The following CNTN5 variants were observed in gnomAD, a reference collection of about 807,000 sequenced individuals.
The protein encoded by CNTN5 is contactin 5.
A neutral mutation model predicts 129.1 loss-of-function variants in CNTN5; 77 were observed. The observed-to-expected ratio is 0.60, with a 90% confidence interval of 0.50 to 0.72. CNTN5 has a LOEUF of 0.72. Among genes scored for constraint, CNTN5 ranks in the 30% least tolerant of loss-of-function variants. The pLI is 0.00. For synonymous variants in CNTN5, 509 were observed against 465.6 expected (o/e 1.09, Z -1.20); for missense variants, 1,478 against 1,328.8 (o/e 1.11, Z -1.75).
At chr11:99,074,607 G>A (rs566020170) in intron 1 of CNTN5, among the ~76,000 whole-genome samples, 3 of 152,260 alleles carry the variant, frequency 2.0e-5, no homozygotes, top group East Asian at 1.9e-4. Flanking sequence ...AAATTGCTGG[G>A]ATTACAGACG....
At chr11:99,751,946 C>G (rs1483472708) in intron 3 of CNTN5, among the ~76,000 whole-genome samples, 1 of 152,118 alleles carries the variant, frequency 6.6e-6, no homozygotes, top group African/African-American at 2.4e-5. Context: ...AACATTCATC[C>G]TCTCCTTAGG....
intron 2 of CNTN5, among the ~76,000 whole-genome samples, chr11:99,387,185 C>T (rs957616044): frequency 6.6e-6 from 1 of 152,000 alleles, no homozygotes; most frequent in Non-Finnish European, 1.5e-5. Context: ...TAGGAAACAC[C>T]AAACTCATAA....
Position 100,117,897 on chromosome 11 carries a change from G to T in CNTN5, c.1580+43603G>T, listed in dbSNP as rs376588146. ...CGGCATTAATGTATAATGTATCTTG[G>T]GCTATTTGTCTCATTAGTTTACATA... On this transcript the variant is annotated intron_variant, in intron 13 of 24. Coordinates refer to ENST00000524871, the MANE Select transcript of CNTN5 (RefSeq NM_014361.4). 5.9e-5 allele frequency among the ~76,000 whole-genome samples: 9 copies of T among 151,802 alleles called. No individual in the cohort carries two copies. The East Asian group carries it at 1.7e-3, about 29-fold the overall frequency.
chr11:99,771,451 T>C (rs934437739), intron 3 of CNTN5, among the ~76,000 whole-genome samples: 2 of 152,044 alleles, frequency 1.3e-5, no homozygotes, highest in African/African-American at 2.4e-5. Flanking sequence ...TTACACACAA[T>C]GAAATATTAT....
chr11:99,376,795 A>G (rs1014909099), intron 2 of CNTN5, among the ~76,000 whole-genome samples: 5 of 152,184 alleles, frequency 3.3e-5, no homozygotes, highest in African/African-American at 9.6e-5. Context: ...GAATATGGTA[A>G]TTAATTCCTA....
intron 2 of CNTN5, among the ~76,000 whole-genome samples, chr11:99,446,500 A>G (rs1011491184): frequency 6.6e-6 from 1 of 152,018 alleles, no homozygotes; most frequent in Non-Finnish European, 1.5e-5. Flanking sequence ...CAATCCTTCT[A>G]TTTCAGTCAG....
In CNTN5 at chr11:100,299,348, G is replaced by A. The variant is rs1951169381; in HGVS notation, c.2572G>A (p.Gly858Arg). 6.2e-7 allele frequency: 1 copy of A among 1,610,096 alleles called. No individual in the cohort carries two copies. Among genetic ancestry groups the A allele is most frequent in the Non-Finnish European group, 8.5e-7 (1 of 1,177,384 alleles). ...EVKVGVYNNK[G>R]DGPFSQIVVI... is the part of the protein sequence containing the mutation. ...GAAAGTTGGCGTTTATAACAATAAA[G>A]GAGATGGGCCTTTTAGTCAAATTGT... Residue 858 changes from glycine to arginine, a missense_variant, in exon 20 of 25, where the codon GGA (glycine) becomes AGA (arginine). Coordinates refer to ENST00000524871, the MANE Select transcript of CNTN5 (RefSeq NM_014361.4).
intron 1 of CNTN5, among the ~76,000 whole-genome samples, chr11:99,275,589 A>G (rs1160537394): frequency 6.6e-6 from 1 of 151,616 alleles, no homozygotes; most frequent in Non-Finnish European, 1.5e-5. Context: ...GGTCAGCGGG[A>G]TTCCTCATGA....
At chr11:100,025,644 C>T (rs531546249) in intron 9 of CNTN5, among the ~76,000 whole-genome samples, 1 of 152,298 alleles carries the variant, frequency 6.6e-6, no homozygotes. Context: ...CTGCCCAACA[C>T]CATGGGAACC....
Position 100,002,060 on chromosome 11 carries a change from A to G in CNTN5, c.904A>G (p.Ile302Val), listed in dbSNP as rs755343282. The G allele has an allele frequency of 1.1e-5, 18 of 1,598,476 alleles. No homozygotes were observed. Among genetic ancestry groups the G allele is most frequent in the Non-Finnish European group, 1.4e-5 (17 of 1,175,418 alleles). ...DGVMGEYEPKIEVHFPFTVTA... is the reference protein window; with the variant it reads ...DGVMGEYEPKVEVHFPFTVTA... ...TGTGATGGGAGAATATGAGCCGAAA[A>G]TTGAGGTCCATTTTCCTTTCACGGT... The change falls in exon 9 of 25, where the codon ATT (isoleucine) becomes GTT (valine). Residue 302 changes from isoleucine to valine, a missense_variant. Physicochemically the swap from Ile to Val is conservative, Grantham distance 29 (BLOSUM62 3). Coordinates refer to ENST00000524871, the MANE Select transcript of CNTN5 (RefSeq NM_014361.4).
intron 3 of CNTN5, among the ~76,000 whole-genome samples, chr11:99,705,134 C>T (rs1426236987): frequency 2.6e-5 from 4 of 151,326 alleles, no homozygotes; most frequent in East Asian, 1.9e-4. Context: ...GAAGTGTATA[C>T]GAATCTCTGT....
chr11:99,776,971 A>G, intron 3 of CNTN5, among the ~76,000 whole-genome samples: 1 of 151,934 alleles, frequency 6.6e-6, no homozygotes, highest in East Asian at 1.9e-4. Flanking sequence ...TGTTATTTTA[A>G]AAATGTCATT....
At chr11:100,096,518 C>T (rs1171212273) in intron 13 of CNTN5, among the ~76,000 whole-genome samples, 1 of 152,018 alleles carries the variant, frequency 6.6e-6, no homozygotes, top group Non-Finnish European at 1.5e-5. Flanking sequence ...CACCTGGGAG[C>T]TCCATCACTG....
intron 3 of CNTN5, among the ~76,000 whole-genome samples, chr11:99,647,821 T>G (rs1052511633): frequency 6.6e-6 from 1 of 151,936 alleles, no homozygotes; most frequent in Non-Finnish European, 1.5e-5. Flanking sequence ...ATGGGGTTAC[T>G]TATTCAGCTA....
At chr11:99,922,949 T>C (rs971287011) in intron 7 of CNTN5, among the ~76,000 whole-genome samples, 3 of 152,186 alleles carry the variant, frequency 2.0e-5, no homozygotes, top group Admixed American at 1.3e-4. Context: ...GATATTTGGG[T>C]CACTTAATAT....
At chr11:99,643,307 T>A (rs1225690865) in intron 3 of CNTN5, among the ~76,000 whole-genome samples, 1 of 152,114 alleles carries the variant, frequency 6.6e-6, no homozygotes, top group African/African-American at 2.4e-5. Flanking sequence ...ATAATACACA[T>A]GCACAGAGGT....
At chr11:99,369,973 C>T (rs1939728544) in intron 2 of CNTN5, among the ~76,000 whole-genome samples, 1 of 152,086 alleles carries the variant, frequency 6.6e-6, no homozygotes, top group South Asian at 2.1e-4. Context: ...TATGTCATTA[C>T]ATAGTGTAGA....
rs112502494 is a variant in CNTN5 at position 99,135,446 on chromosome 11, G to A, written c.-210+114176G>A. Reference sequence around the variant, plus strand: ...GAAATAGCAAGTACAAAGACATTACGGTGAACATAGGCACAGTATGCTCCA... The same window carrying A: ...GAAATAGCAAGTACAAAGACATTACAGTGAACATAGGCACAGTATGCTCCA... On this transcript the variant is annotated intron_variant, in intron 1 of 24. Coordinates refer to ENST00000524871, the MANE Select transcript of CNTN5 (RefSeq NM_014361.4). 1.8e-4 allele frequency among the ~76,000 whole-genome samples: 28 copies of A among 152,192 alleles called. 1 individual carries two copies. The highest frequency in any genetic ancestry group is 5.5e-4 in the African/African-American group (23 of 41,530).
At chr11:99,651,746 G>A (rs1399238390) in intron 3 of CNTN5, among the ~76,000 whole-genome samples, 2 of 151,606 alleles carry the variant, frequency 1.3e-5, no homozygotes, top group African/African-American at 4.8e-5. Context: ...AACGGCCTCA[G>A]GATTATATGT....
Sources: gnomAD v4.1 joint callset for allele counts (sites outside exome capture counted in the v4.1 genomes callset) on GRCh38, gnomAD v4.1.1 for gene constraint, MANE v1.5 for transcripts, NCBI Gene and HGNC (gene_info 2026-07-23, HGNC 2026-07-21) for gene names.